The following LAPTM4B variants were observed in gnomAD, a reference collection of about 807,000 sequenced individuals.
The protein encoded by LAPTM4B is lysosomal protein transmembrane 4 beta.
LAPTM4B carries 26 observed loss-of-function variants against 28.5 expected under a neutral mutation model. The observed-to-expected ratio is 0.91, with a 90% confidence interval of 0.67 to 1.27. The LOEUF (loss-of-function observed/expected upper bound fraction) is 1.27, where lower values mean the gene tolerates loss of function less well. LAPTM4B is among the 50% of genes most tolerant of loss of function. The pLI is 0.00. For missense variants in LAPTM4B, 288 were observed against 285.8 expected (o/e 1.01, Z -0.06); for synonymous variants, 109 against 106.4 (o/e 1.02, Z -0.15).
chr8:97,798,350 C>A (rs1816623467), intron 1 of LAPTM4B, among the ~76,000 whole-genome samples: 1 of 152,116 alleles, frequency 6.6e-6, no homozygotes, highest in Admixed American at 6.6e-5. Context: ...TCCCATCCAA[C>A]AATTGAGGTT....
At chr8:97,780,673 A>G (rs919747305) in intron 1 of LAPTM4B, among the ~76,000 whole-genome samples, 5 of 152,136 alleles carry the variant, frequency 3.3e-5, no homozygotes, top group Admixed American at 1.3e-4. Context: ...GAGAAAACTG[A>G]GGCTTAGAGA....
chr8:97,799,092 T>A (rs1377955328), intron 1 of LAPTM4B, among the ~76,000 whole-genome samples: 1 of 152,200 alleles, frequency 6.6e-6, no homozygotes, highest in African/African-American at 2.4e-5. Context: ...TGGAAAGGTC[T>A]TGGGGTTCCA....
rs1045338122 is a variant in LAPTM4B, at chr8:97,786,425, C to T, written c.99+10317C>T. Among the ~76,000 whole-genome samples the T allele has an allele frequency of 1.3e-4, 16 of 121,580 alleles. No individual in the cohort carries two copies. In the East Asian group the frequency reaches 2.0e-3, roughly 15 times the overall value. 79.8% of individuals were successfully genotyped at this position (121,580 alleles called of 152,430 possible). A position where few individuals can be genotyped will look rare whatever the true frequency, so the allele number is the denominator to read the frequency against. ...ATTGAACTTAAAAAAAAAACAAGGC[C>T]GGGTGTGGTGGCTCACGCCTGTAAT... is the stretch of plus-strand genomic sequence containing the variant. On this transcript the variant is annotated intron_variant, in intron 1 of 6. Coordinates refer to ENST00000521545, the MANE Select transcript of LAPTM4B (RefSeq NM_018407.6).
At position 97,795,934 on chromosome 8, in the gene LAPTM4B, C is replaced by T. The variant is rs1012065384; in HGVS notation, c.100-9419C>T. Among the ~76,000 whole-genome samples, 8 of 151,208 alleles carry T rather than the reference C, an allele frequency of 5.3e-5. No homozygotes were observed. In the East Asian group the frequency reaches 1.6e-3, roughly 30 times the overall value. On this transcript the variant is annotated intron_variant, in intron 1 of 6. Coordinates refer to ENST00000521545, the MANE Select transcript of LAPTM4B (RefSeq NM_018407.6). Reference sequence around the variant, plus strand: ...CCTTAGCTTAGTTCATTTCCAATCACACCTCCTCTTGATTTATTTGCTGTT... The same window carrying T: ...CCTTAGCTTAGTTCATTTCCAATCATACCTCCTCTTGATTTATTTGCTGTT...
chr8:97,818,911 A>G (rs1041605162), intron 4 of LAPTM4B, among the ~76,000 whole-genome samples: 4 of 152,176 alleles, frequency 2.6e-5, no homozygotes, highest in African/African-American at 9.7e-5. Context: ...CTTGCAGAGA[A>G]TACAAATTTC....
chr8:97,823,346 TTTTTTTTTTG>T (rs1348186403), intron 5 of LAPTM4B, among the ~76,000 whole-genome samples: 4 of 25,604 alleles, frequency 1.6e-4, no homozygotes, highest in Non-Finnish European at 2.6e-4. Flanking sequence ...ACAATATGGT[TTTTTTTTTTG>T]TTTTTTTTTT....
intron 6 of LAPTM4B, among the ~76,000 whole-genome samples, chr8:97,851,069 C>T (rs1304412604): frequency 6.6e-6 from 1 of 151,998 alleles, no homozygotes; most frequent in Non-Finnish European, 1.5e-5. Flanking sequence ...CAAGTGCCTG[C>T]CCTATTTGTG....
At chr8:97,845,990 TCA>T (rs1367759198) in intron 6 of LAPTM4B, among the ~76,000 whole-genome samples, 2 of 147,096 alleles carry the variant, frequency 1.4e-5, no homozygotes, top group Admixed American at 1.4e-4. Context: ...CTCCTTGGGC[TCA>T]GTCTTCCCAC....
rs139975924 is a variant in LAPTM4B at position 97,807,163 on chromosome 8, C to T, written c.211+1699C>T. On this transcript the variant is annotated intron_variant, in intron 2 of 6. Coordinates refer to ENST00000521545, the MANE Select transcript of LAPTM4B (RefSeq NM_018407.6). ...AAGAGGTCAGTTTGAGTTCTGACAC[C>T]GCCGTGTGTTGAAGATGCTAAACTT... Among the ~76,000 whole-genome samples, 618 of 152,260 alleles carry T rather than the reference C, an allele frequency of 4.1e-3. 2 individuals carry two copies. Among genetic ancestry groups the T allele is most frequent in the African/African-American group, 0.014 (585 of 41,552 alleles).
chr8:97,821,992 A>G (rs1023717014), intron 5 of LAPTM4B, among the ~76,000 whole-genome samples: 9 of 152,254 alleles, frequency 5.9e-5, no homozygotes, highest in Non-Finnish European at 8.8e-5. Context: ...ATAAAACACC[A>G]TGATTTCATG....
At chr8:97,831,459 C>T (rs1817181776) in intron 6 of LAPTM4B, among the ~76,000 whole-genome samples, 1 of 151,966 alleles carries the variant, frequency 6.6e-6, no homozygotes, top group Admixed American at 6.6e-5. Flanking sequence ...TTTAGGAAGC[C>T]TTGGGGAGTA....
At chr8:97,808,804 CA>C in intron 2 of LAPTM4B, among the ~76,000 whole-genome samples, 1 of 151,738 alleles carries the variant, frequency 6.6e-6, no homozygotes, top group East Asian at 1.9e-4. Context: ...ACTAAAAATA[CA>C]AAAAAAGTAG....
intron 1 of LAPTM4B, among the ~76,000 whole-genome samples, chr8:97,795,612 G>A (rs1013115774): frequency 1.3e-5 from 2 of 151,978 alleles, no homozygotes; most frequent in Non-Finnish European, 2.9e-5. Flanking sequence ...CAGCATCTTG[G>A]GGGGCTGAGG....
chr8:97,851,345 G>A (rs759518453), intron 6 of LAPTM4B, 52 bp from the exon 7 acceptor site: 164 of 1,396,056 alleles, frequency 1.2e-4, no homozygotes, highest in Non-Finnish European at 1.5e-4. Context: ...AAACCTCGGG[G>A]AACGTGTGTG....
At chr8:97,833,263 G>A (rs1817212034) in intron 6 of LAPTM4B, among the ~76,000 whole-genome samples, 1 of 151,970 alleles carries the variant, frequency 6.6e-6, no homozygotes, top group Admixed American at 6.5e-5. Flanking sequence ...GAACCTGGGA[G>A]GTTCACTTGA....
rs71271147 is a variant in LAPTM4B, at chr8:97,781,278, C to CTTTTTTTTTTTTTTTTTTTT, written c.99+5172_99+5191dup. Among the ~76,000 whole-genome samples, 3 of 50,840 alleles carry CTTTTTTTTTTTTTTTTTTTT rather than the reference C, an allele frequency of 5.9e-5. 1 individual carries two copies. Among genetic ancestry groups the CTTTTTTTTTTTTTTTTTTTT allele is most frequent in the African/African-American group, 3.3e-4 (3 of 9,048 alleles). 33.4% of individuals were successfully genotyped at this position (50,840 alleles called of 152,430 possible). A position where few individuals can be genotyped will look rare whatever the true frequency, so the allele number is the denominator to read the frequency against. The stretch of plus-strand genomic sequence containing the variant: ...ACAGGCGTGAGCCACTGTGCCCGGC[C>CTTTTTTTTTTTTTTTTTTTT]TTTTTTTTTTTTTTTTTTTTTGAGG... On this transcript the variant is annotated intron_variant, in intron 1 of 6. Transcript: ENST00000521545.
At chr8:97,847,118 A>G (rs1817445934) in intron 6 of LAPTM4B, among the ~76,000 whole-genome samples, 1 of 152,220 alleles carries the variant, frequency 6.6e-6, no homozygotes, top group Non-Finnish European at 1.5e-5. Context: ...GAGACATTAT[A>G]TATAGATAGA....
Position 97,819,125 on chromosome 8 carries a change from C to T in LAPTM4B, c.409-15C>T. On this transcript the variant is annotated splice_polypyrimidine_tract_variant and intron_variant, in intron 4 of 6. Transcript: ENST00000521545. ...GATTAATGAGATTTGCTAATGAGGC[C>T]CTTTTCTTTTGCAGCCTCCTAATTT... The T allele has an allele frequency of 6.7e-7, 1 of 1,487,096 alleles. No homozygotes were observed. The highest frequency in any genetic ancestry group is 1.2e-5 in the South Asian group (1 of 86,360). The allele number at this position is 1,487,096 out of a possible 1,614,324, so 92.1% of individuals were successfully genotyped here. A position where few individuals can be genotyped will look rare whatever the true frequency, so the allele number is the denominator to read the frequency against.
intron 6 of LAPTM4B, among the ~76,000 whole-genome samples, chr8:97,825,613 T>C (rs999271574): frequency 1.3e-5 from 2 of 152,260 alleles, no homozygotes; most frequent in African/African-American, 4.8e-5. Flanking sequence ...GTATGTATTC[T>C]TAGTAAAATA....
Sources: gnomAD v4.1 joint callset for allele counts (sites outside exome capture counted in the v4.1 genomes callset) on GRCh38, gnomAD v4.1.1 for gene constraint, MANE v1.5 for transcripts, NCBI Gene and HGNC (gene_info 2026-07-23, HGNC 2026-07-21) for gene names.